MAST4: variants seen among roughly 807,000 people sequenced by gnomAD.
MAST4 encodes the protein microtubule associated serine/threonine kinase family member 4.
A neutral mutation model predicts 162.7 loss-of-function variants in MAST4; 89 were observed. The ratio of observed to expected loss-of-function variants is 0.55; its 90% CI spans 0.46 to 0.65. MAST4 has a LOEUF of 0.65. MAST4 is among the 30% of genes least tolerant of loss of function. The pLI, the probability that MAST4 is intolerant of heterozygous loss-of-function variation, is 0.00. For missense variants in MAST4, 3,153 were observed against 3,374.0 expected (o/e 0.93, Z 1.62); for synonymous variants, 1,479 against 1,361.1 (o/e 1.09, Z -1.91).
At chr5:67,137,571 T>C (rs1200942009) in intron 19 of MAST4, among the ~76,000 whole-genome samples, 2 of 152,202 alleles carry the variant, frequency 1.3e-5, no homozygotes, top group Non-Finnish European at 2.9e-5. Context: ...AAGACAAAAA[T>C]TTGAAACAGT....
In MAST4 at chr5:67,134,575, A is replaced by T; in HGVS notation, c.2279A>T (p.Tyr760Phe). The T allele has an allele frequency of 6.2e-7, 1 of 1,613,734 alleles. No homozygotes were observed. Among genetic ancestry groups the T allele is most frequent in the Admixed American group, 1.7e-5 (1 of 60,010 alleles). Reference sequence around the variant, plus strand: ...CCAGAAGTGATTCTGAGGCAGGGTTATGGAAAGCCGGTGGACTGGTGGGCC... The same window carrying T: ...CCAGAAGTGATTCTGAGGCAGGGTTTTGGAAAGCCGGTGGACTGGTGGGCC... ...IAPEVILRQG[Y>F]GKPVDWWAMG... Residue 760 changes from tyrosine to phenylalanine, a missense_variant, in exon 18 of 29, where the codon TAT (tyrosine) becomes TTT (phenylalanine). Coordinates refer to ENST00000403625, the MANE Select transcript of MAST4 (RefSeq NM_001164664.2).
In MAST4 at chr5:67,166,763, C is replaced by T. The variant is rs369873267; in HGVS notation, c.7584C>T (p.Thr2528=). 6.3e-7 allele frequency: 1 copy of T among 1,599,680 alleles called. No homozygotes were observed. Among genetic ancestry groups the T allele is most frequent in the Non-Finnish European group, 8.5e-7 (1 of 1,173,626 alleles). ...CCCTGCCCTCCTTCCGGGTCTCCACCCTGCCTCTGGAGTCACACCACCCCG... is the reference window on the plus strand; with the variant it reads ...CCCTGCCCTCCTTCCGGGTCTCCACTCTGCCTCTGGAGTCACACCACCCCG... The part of the protein sequence containing the change: ...SDSLPSFRVS[T]LPLESHHPDP... The change falls in exon 29 of 29, where the codon ACC becomes ACT. Residue 2528 remains threonine, a synonymous_variant. Coordinates refer to ENST00000403625, the MANE Select transcript of MAST4 (RefSeq NM_001164664.2).
intron 12 of MAST4, among the ~76,000 whole-genome samples, chr5:67,118,085 G>A (rs1767134506): frequency 6.6e-6 from 1 of 152,170 alleles, no homozygotes; most frequent in African/African-American, 2.4e-5. Context: ...ACCTTTTACA[G>A]GGAAGAGCTT....
intron 4 of MAST4, among the ~76,000 whole-genome samples, chr5:67,052,510 T>C (rs754334890): frequency 1.5e-4 from 23 of 152,162 alleles, no homozygotes; most frequent in Non-Finnish European, 3.1e-4. Context: ...GTAGTGTATG[T>C]ACCTTAGTAT....
intron 3 of MAST4, among the ~76,000 whole-genome samples, chr5:66,859,605 A>T (rs1759944580): frequency 6.6e-6 from 1 of 152,200 alleles, no homozygotes; most frequent in Non-Finnish European, 1.5e-5. Flanking sequence ...TTTTTATCAA[A>T]TTCAAAGGTA....
intron 4 of MAST4, among the ~76,000 whole-genome samples, chr5:66,996,015 C>G (rs925933804): frequency 6.6e-6 from 1 of 151,806 alleles, no homozygotes; most frequent in Admixed American, 6.6e-5. Context: ...TGGTGGCTCA[C>G]GCCTATAATC....
chr5:66,953,780 G>A (rs1281316790), intron 4 of MAST4, among the ~76,000 whole-genome samples: 1 of 152,154 alleles, frequency 6.6e-6, no homozygotes, highest in Admixed American at 6.5e-5. Context: ...TTCTAGAATA[G>A]CACTTTTGAT....
intron 4 of MAST4, among the ~76,000 whole-genome samples, chr5:66,933,586 C>T (rs796234976): frequency 5.3e-5 from 8 of 152,252 alleles, no homozygotes; most frequent in African/African-American, 1.9e-4. Context: ...GTGCATGTTG[C>T]TCTCTCATGG....
intron 3 of MAST4, among the ~76,000 whole-genome samples, chr5:66,831,618 A>T (rs189609532): frequency 6.6e-6 from 1 of 152,354 alleles, no homozygotes; most frequent in East Asian, 1.9e-4. Context: ...AAATCATGAC[A>T]AGCTCATAAA....
rs1750005305 is a variant in MAST4 at position 66,990,937 on chromosome 5, T to C, written c.675-63467T>C. Among the ~76,000 whole-genome samples, 3 of 48,902 alleles carry C rather than the reference T, an allele frequency of 6.1e-5. No homozygotes were observed. The South Asian group carries it at 1.8e-3, about 29-fold the overall frequency. The allele number at this position is 48,902 out of a possible 152,430, so 32.1% of individuals were successfully genotyped here. ...TATTCCCTATGAAAGGCTGATTCTT[T>C]GGATTAAAAAAATAGGTTCAGAATT... On this transcript the variant is annotated intron_variant, in intron 4 of 28. Transcript: ENST00000403625.
chr5:66,926,744 T>G (rs570459294), intron 4 of MAST4, among the ~76,000 whole-genome samples: 1 of 152,256 alleles, frequency 6.6e-6, no homozygotes, highest in Non-Finnish European at 1.5e-5. Context: ...TTTGTTTTTT[T>G]GCTATATGAA....
intron 13 of MAST4, among the ~76,000 whole-genome samples, chr5:67,120,185 C>G (rs556385008): frequency 6.6e-6 from 1 of 152,226 alleles, no homozygotes; most frequent in Non-Finnish European, 1.5e-5. Flanking sequence ...TGTGTAGACA[C>G]TGAAGTCACC....
At chr5:66,764,369 A>G (rs1382862915) in intron 2 of MAST4, among the ~76,000 whole-genome samples, 1 of 152,182 alleles carries the variant, frequency 6.6e-6, no homozygotes, top group East Asian at 1.9e-4. Context: ...TGCTAATTTT[A>G]TATTGGCTAA....
intron 1 of MAST4, among the ~76,000 whole-genome samples, chr5:66,665,057 A>C (rs1158244300): frequency 6.6e-6 from 1 of 152,224 alleles, no homozygotes; most frequent in African/African-American, 2.4e-5. Context: ...AAAAGAACAG[A>C]GTACTATCAG....
intron 18 of MAST4, among the ~76,000 whole-genome samples, chr5:67,135,165 G>T (rs1479593327): frequency 1.3e-5 from 2 of 152,088 alleles, no homozygotes; most frequent in African/African-American, 4.8e-5. Flanking sequence ...AATGAGAATG[G>T]GAAAGAAGCA....
chr5:66,612,292 G>A (rs866661990), intron 1 of MAST4, among the ~76,000 whole-genome samples: 17 of 152,230 alleles, frequency 1.1e-4, no homozygotes, highest in Middle Eastern at 3.4e-3. Context: ...GTACTAGGTG[G>A]GTGAAATGTA....
intron 1 of MAST4, among the ~76,000 whole-genome samples, chr5:66,637,292 C>A (rs1745185516): frequency 6.7e-6 from 1 of 148,328 alleles, no homozygotes; most frequent in South Asian, 2.1e-4. Flanking sequence ...ATTATACTTT[C>A]ACATAAGTAT....
At chr5:66,683,376 CT>C (rs1384335028) in intron 1 of MAST4, among the ~76,000 whole-genome samples, 1 of 152,050 alleles carries the variant, frequency 6.6e-6, no homozygotes, top group African/African-American at 2.4e-5. Flanking sequence ...GCTGGTGACC[CT>C]TTGTATTTAA....
chr5:67,113,988 A>G, intron 11 of MAST4, 99 bp from the exon 12 acceptor site: 24 of 1,353,774 alleles, frequency 1.8e-5, no homozygotes, highest in Non-Finnish European at 2.4e-5. Context: ...ACTTACAGCC[A>G]TGTATACCCA....
Sources: allele counts gnomAD v4.1 joint callset (sites outside exome capture counted in the v4.1 genomes callset), GRCh38; gene constraint gnomAD v4.1.1; transcripts MANE v1.5; gene names NCBI Gene and HGNC (gene_info 2026-07-23, HGNC 2026-07-21).